Variants in SLC66A1 observed in about 807,000 individuals in gnomAD.
SLC66A1 encodes solute carrier family 66 member 1.
SLC66A1 carries 23 observed loss-of-function variants against 33.0 expected under a neutral mutation model. That is an observed-to-expected ratio of 0.70 (90% CI 0.50 to 0.99). The LOEUF (loss-of-function observed/expected upper bound fraction) is 0.99, where lower values mean the gene tolerates loss of function less well. SLC66A1 is among the 50% of genes least tolerant of loss of function. The pLI is 0.00. For missense variants in SLC66A1, 335 were observed against 383.6 expected (o/e 0.87, Z 1.06); for synonymous variants, 164 against 175.5 (o/e 0.93, Z 0.52).
chr1:19,318,360 A>G (rs531724479), intron 2 of SLC66A1, among the ~76,000 whole-genome samples: 56 of 152,300 alleles, frequency 3.7e-4, no homozygotes, highest in Non-Finnish European at 6.8e-4. Flanking sequence ...TGCCATGATC[A>G]GGGAGTGAGG....
At chr1:19,327,102 C>A in intron 6 of SLC66A1, 125 bp from the exon 7 acceptor site, 1 of 983,900 alleles carries the variant, frequency 1.0e-6, no homozygotes. Context: ...TATCCCTGGG[C>A]ACCCAGGGAA....
downstream of SLC66A1, among the ~76,000 whole-genome samples, chr1:19,333,489 G>A (rs77539107): frequency 2.3e-3 from 353 of 152,212 alleles, 2 homozygotes; most frequent in African/African-American, 8.4e-3. This position sits in a 1 kb window ranked among gnomAD's most constrained non-coding sequence, Gnocchi z 4.2. Flanking sequence ...AAGACGACAT[G>A]GCCTTCCATT....
intron 2 of SLC66A1, among the ~76,000 whole-genome samples, chr1:19,320,412 C>CTT (rs34520375): frequency 0.039 from 3,869 of 98,560 alleles, 412 homozygotes; most frequent in African/African-American, 0.13. Flanking sequence ...GGTGGCCTGT[C>CTT]TTTTTTTTTT....
chr1:19,313,225 C>T lies in SLC66A1; in HGVS notation c.-79+336C>T, dbSNP rs2093786726. ...TGGTAGGCATCGGGCAGGTCTGTTCCAGAGTGCTTTTCTCCTCAACCCTGG... is the reference window on the plus strand; with the variant it reads ...TGGTAGGCATCGGGCAGGTCTGTTCTAGAGTGCTTTTCTCCTCAACCCTGG... On this transcript the variant is annotated intron_variant, in intron 1 of 7. Coordinates refer to ENST00000375153, the MANE Select transcript of SLC66A1 (RefSeq NM_001040125.2). 5 of 985,304 alleles carry T rather than the reference C, an allele frequency of 5.1e-6. No homozygotes were observed. The African/African-American group carries it at 5.2e-5, about 10-fold the overall frequency. The allele number at this position is 985,304 out of a possible 1,614,324, so 61.0% of individuals were successfully genotyped here.
intron 7 of SLC66A1, chr1:19,327,745 C>G (rs1558154509): frequency 2.0e-6 from 1 of 488,120 alleles, no homozygotes; most frequent in East Asian, 5.2e-5. Context: ...AGAAAAACAA[C>G]AAGAGCGTCT....
intron 2 of SLC66A1, among the ~76,000 whole-genome samples, chr1:19,320,703 CCG>C (rs2093832125): frequency 6.7e-6 from 1 of 150,242 alleles, no homozygotes; most frequent in Non-Finnish European, 1.5e-5. Flanking sequence ...GCGTGAGCCA[CCG>C]CACCTGGCCT....
intron 2 of SLC66A1, among the ~76,000 whole-genome samples, chr1:19,322,462 G>A (rs1411954680): frequency 6.6e-6 from 1 of 152,170 alleles, no homozygotes; most frequent in Non-Finnish European, 1.5e-5. Context: ...TCGAGTCATA[G>A]CATCTTAGGA....
At chr1:19,325,413 T>A in intron 3 of SLC66A1, 82 bp from the exon 4 acceptor site, 1 of 956,188 alleles carries the variant, frequency 1.0e-6, no homozygotes, top group Non-Finnish European at 1.7e-6. Context: ...GTCACCCAGC[T>A]GGGATATGAC....
chr1:19,331,105 G>C (rs571475218), downstream of SLC66A1, among the ~76,000 whole-genome samples: 1 of 152,088 alleles, frequency 6.6e-6, no homozygotes, highest in Non-Finnish European at 1.5e-5. Flanking sequence ...TCCGCCTCCC[G>C]GGTTCGAGCG....
chr1:19,326,475 G>A (rs2093867819), intron 5 of SLC66A1, 56 bp from the exon 6 acceptor site: 2 of 1,613,434 alleles, frequency 1.2e-6, no homozygotes, highest in African/African-American at 2.7e-5. Flanking sequence ...GCTAAATGGG[G>A]TGGGGGATCA....
chr1:19,325,400 C>T (rs1178156841), intron 3 of SLC66A1, 95 bp from the exon 4 acceptor site: 5 of 821,082 alleles, frequency 6.1e-6, no homozygotes, highest in East Asian at 2.5e-5. Flanking sequence ...TGACTTGGTC[C>T]GGGTCACCCA....
chr1:19,315,744 C>G (rs1202554188), intron 1 of SLC66A1, among the ~76,000 whole-genome samples: 4 of 152,224 alleles, frequency 2.6e-5, no homozygotes, highest in African/African-American at 9.6e-5. Flanking sequence ...CTCTCCCTCT[C>G]TCTCTCTCGA....
Position 19,316,294 on chromosome 1 carries a change from G to T in SLC66A1, c.-78-1306G>T. Among the ~76,000 whole-genome samples, 3 of 152,072 alleles carry T rather than the reference G, an allele frequency of 2.0e-5. No individual in the cohort carries two copies. In the South Asian group the frequency reaches 6.2e-4, roughly 32 times the overall value. ...GAGTCCTTGTCATTCATGCAACCCC[G>T]GGGATCCCTTGCTCCTCTTCTCCAC... On this transcript the variant is annotated intron_variant, in intron 1 of 7. Transcript: ENST00000375153.
At chr1:19,325,205 A>G (rs1435634594) in intron 3 of SLC66A1, among the ~76,000 whole-genome samples, 1 of 152,308 alleles carries the variant, frequency 6.6e-6, no homozygotes, top group African/African-American at 2.4e-5. Flanking sequence ...AGGCCAAACC[A>G]GAGCCATCAC....
Position 19,324,502 on chromosome 1 carries a change from G to T in SLC66A1, c.165-131G>T, listed in dbSNP as rs564275148. The T allele has an allele frequency of 1.9e-4, 217 of 1,168,790 alleles. 1 individual carries two copies. In the African/African-American group the frequency reaches 3.1e-3, roughly 17 times the overall value. 72.4% of individuals were successfully genotyped at this position (1,168,790 alleles called of 1,614,324 possible). A position where few individuals can be genotyped will look rare whatever the true frequency, so the allele number is the denominator to read the frequency against. ...AGGATCCCGCCCGTGGGGAGGATGG[G>T]CCGCCAGGCCACTTCCTCTCCATCG... On this transcript the variant is annotated intron_variant, in intron 2 of 7. Coordinates refer to ENST00000375153, the MANE Select transcript of SLC66A1 (RefSeq NM_001040125.2).
intron 2 of SLC66A1, among the ~76,000 whole-genome samples, chr1:19,319,200 A>G (rs1440744214): frequency 2.0e-5 from 3 of 152,252 alleles, no homozygotes; most frequent in African/African-American, 7.2e-5. Flanking sequence ...TAGTATAGCC[A>G]GAGTTGTGTA....
intron 2 of SLC66A1, among the ~76,000 whole-genome samples, chr1:19,321,320 C>T (rs548548063): frequency 2.0e-5 from 3 of 148,086 alleles, no homozygotes; most frequent in East Asian, 2.0e-4. Flanking sequence ...GGACCACAGA[C>T]GTGCACCACT....
At chr1:19,318,685 C>T (rs1011902621) in intron 2 of SLC66A1, among the ~76,000 whole-genome samples, 4 of 151,890 alleles carry the variant, frequency 2.6e-5, no homozygotes, top group East Asian at 1.9e-4. Context: ...CAATGGCTCA[C>T]GCCTGTAATC....
chr1:19,331,075 G>A (rs2093891181), downstream of SLC66A1, among the ~76,000 whole-genome samples: 1 of 152,142 alleles, frequency 6.6e-6, no homozygotes, highest in Non-Finnish European at 1.5e-5. Context: ...GCAATGGTGC[G>A]ATCTCAGCTC....
Sources: allele counts gnomAD v4.1 joint callset (sites outside exome capture counted in the v4.1 genomes callset), GRCh38; gene constraint gnomAD v4.1.1; non-coding constraint Gnocchi (gnomAD v3.1); transcripts MANE v1.5; gene names NCBI Gene and HGNC (gene_info 2026-07-23, HGNC 2026-07-21).